The following CAPS2 variants were observed in gnomAD, a reference collection of about 807,000 sequenced individuals.
CAPS2 encodes calcyphosine 2, also known as calcyphosin-2.
In CAPS2, 98 loss-of-function variants were observed where a neutral mutation model predicts 86.5. That is an observed-to-expected ratio of 1.13 (90% CI 0.96 to 1.34). The LOEUF (loss-of-function observed/expected upper bound fraction) is 1.34, where lower values mean the gene tolerates loss of function less well. CAPS2 is among the 40% of genes most tolerant of loss of function. CAPS2 has a pLI of 0.00. For missense variants in CAPS2, 729 were observed against 686.8 expected, an observed-to-expected ratio of 1.06 and a Z score of -0.69; for synonymous variants, 210 against 225.1, an observed-to-expected ratio of 0.93 and a Z score of 0.60.
At chr12:75,315,475 C>T (rs190186023) in intron 6 of CAPS2, among the ~76,000 whole-genome samples, 51 of 152,162 alleles carry the variant, frequency 3.4e-4, no homozygotes, top group African/African-American at 1.0e-3. Context: ...TTGGGACATC[C>T]ACAGAAAATC....
Position 75,323,176 on chromosome 12 carries a change from C to T in CAPS2, c.177+1G>A, listed in dbSNP as rs1219791867. On this transcript the variant is annotated splice_donor_variant, in intron 3 of 16. Transcript: ENST00000393284. LOFTEE classifies it high-confidence loss of function. ...TATATTAAATACTAAATAAAAATTA[C>T]CTCATCATCAGAGTCAACAAGGCTT... The T allele has an allele frequency of 6.5e-7, 1 of 1,534,626 alleles. No homozygotes were observed. Among genetic ancestry groups the T allele is most frequent in the East Asian group, 2.5e-5 (1 of 40,642 alleles).
upstream of CAPS2, chr12:75,334,579 G>T: frequency 6.9e-7 from 1 of 1,439,880 alleles, no homozygotes; most frequent in Non-Finnish European, 9.1e-7. Context: ...CAGCGACACT[G>T]ACAAGTTGAT....
chr12:75,388,083 C>G (rs891702168), intron 1 of CAPS2, among the ~76,000 whole-genome samples: 3 of 152,172 alleles, frequency 2.0e-5, no homozygotes, highest in Non-Finnish European at 4.4e-5. Flanking sequence ...ATGGGAGAGA[C>G]TAGGTGAGAG....
chr12:75,305,730 T>G, intron 7 of CAPS2: 1 of 688,154 alleles, frequency 1.5e-6, no homozygotes, highest in Non-Finnish European at 2.7e-6. Context: ...GTGTGGTACA[T>G]GCGGGTCAAG....
At chr12:75,367,340 T>C (rs2044044835) in intron 1 of CAPS2, among the ~76,000 whole-genome samples, 1 of 151,770 alleles carries the variant, frequency 6.6e-6, no homozygotes, top group Non-Finnish European at 1.5e-5. Flanking sequence ...CACAAACATA[T>C]TGTATAACTA....
intron 1 of CAPS2, among the ~76,000 whole-genome samples, chr12:75,385,967 T>C (rs1377122683): frequency 6.6e-6 from 1 of 152,142 alleles, no homozygotes; most frequent in East Asian, 1.9e-4. Flanking sequence ...AATGAAGAAA[T>C]ATTCCTTGTT....
At chr12:75,361,257 C>G (rs2139593413) in intron 1 of CAPS2, among the ~76,000 whole-genome samples, 1 of 152,194 alleles carries the variant, frequency 6.6e-6, no homozygotes, top group African/African-American at 2.4e-5. Flanking sequence ...CTGGCCACAA[C>G]AGTGTAGAAA....
upstream of CAPS2, among the ~76,000 whole-genome samples, chr12:75,333,544 A>G (rs2041491222): frequency 6.6e-6 from 1 of 152,220 alleles, no homozygotes; most frequent in South Asian, 2.1e-4. Context: ...TAGTATATAC[A>G]GCAATTCTCC....
At chr12:75,306,931 T>C (rs1276832080) in intron 7 of CAPS2, among the ~76,000 whole-genome samples, 1 of 151,048 alleles carries the variant, frequency 6.6e-6, no homozygotes, top group African/African-American at 2.4e-5. Context: ...TGTGATATAA[T>C]CCAAAAAAAA....
chr12:75,377,158 G>C (rs1243280944), intron 1 of CAPS2, among the ~76,000 whole-genome samples: 1 of 152,156 alleles, frequency 6.6e-6, no homozygotes, highest in East Asian at 1.9e-4. Flanking sequence ...CCTATTAGAA[G>C]TAGAGTCCTT....
chr12:75,293,222 A>C, intron 12 of CAPS2, 27 bp downstream of exon 12: 2 of 1,335,180 alleles, frequency 1.5e-6, no homozygotes, highest in Non-Finnish European at 2.1e-6. Context: ...ACCTACTTTC[A>C]AATTGCCAAA....
chr12:75,372,971 A>G (rs963110209), intron 1 of CAPS2, among the ~76,000 whole-genome samples: 1 of 152,244 alleles, frequency 6.6e-6, no homozygotes, highest in Non-Finnish European at 1.5e-5. Flanking sequence ...CCAGATCCAG[A>G]GTACATGTCT....
chr12:75,300,061 C>T, intron 8 of CAPS2, 150 bp from the exon 9 acceptor site: 1 of 433,522 alleles, frequency 2.3e-6, no homozygotes. Flanking sequence ...TTTCAGATTG[C>T]TAATTGTAGC....
intron 1 of CAPS2, chr12:75,347,803 C>A: frequency 1.3e-6 from 1 of 747,182 alleles, no homozygotes; most frequent in Non-Finnish European, 2.2e-6. Flanking sequence ...TTATACTAGA[C>A]ACAAGTGTAT....
At chr12:75,329,864 T>C (rs746199689), upstream of CAPS2, 194 of 1,542,958 alleles carry the variant, frequency 1.3e-4, no homozygotes, top group Non-Finnish European at 1.6e-4. Flanking sequence ...CCCCATCCCC[T>C]ACCTAACTGG....
At chr12:75,286,975 C>T (rs901245351) in intron 14 of CAPS2, among the ~76,000 whole-genome samples, 1 of 151,500 alleles carries the variant, frequency 6.6e-6, no homozygotes, top group Non-Finnish European at 1.5e-5. Context: ...TGTTATGATA[C>T]AGAAAAATTA....
At chr12:75,380,541 C>T (rs2044905224) in intron 1 of CAPS2, among the ~76,000 whole-genome samples, 1 of 152,150 alleles carries the variant, frequency 6.6e-6, no homozygotes, top group African/African-American at 2.4e-5. Flanking sequence ...ATTAAGCATG[C>T]TCTCATGAAA....
chr12:75,295,738 A>G (rs779060921), intron 11 of CAPS2, among the ~76,000 whole-genome samples: 6 of 152,210 alleles, frequency 3.9e-5, no homozygotes, highest in Non-Finnish European at 8.8e-5. Flanking sequence ...ATAAAAATAT[A>G]CACATATAAG....
At position 75,321,404 on chromosome 12, in the gene CAPS2, T is replaced by C. The variant is rs776332119; in HGVS notation, c.464A>G (p.Glu155Gly). The C allele has an allele frequency of 1.3e-4, 204 of 1,530,670 alleles. No individual in the cohort carries two copies. The highest frequency in any genetic ancestry group is 2.1e-4 in the Admixed American group (10 of 47,138). The allele number at this position is 1,530,670 out of a possible 1,614,324, so 94.8% of individuals were successfully genotyped here. Reference sequence around the variant, plus strand: ...TTTTAAAGCCTCATACATTACCTTTTCATCTATCTTGTTTCTTGGAGACTG... The same window carrying C: ...TTTTAAAGCCTCATACATTACCTTTCCATCTATCTTGTTTCTTGGAGACTG... Residue 155 changes from glutamate to glycine, a missense_variant, in exon 5 of 17, where the codon GAA becomes GGA. By Grantham distance (98) the Glu-to-Gly change is moderately conservative (BLOSUM62 -2). Coordinates refer to ENST00000393284, the Ensembl canonical transcript of CAPS2.
Sources: gnomAD v4.1 joint callset for allele counts (sites outside exome capture counted in the v4.1 genomes callset) on GRCh38, gnomAD v4.1.1 for gene constraint, MANE v1.5 for transcripts, NCBI Gene and HGNC (gene_info 2026-07-23, HGNC 2026-07-21) for gene names.